The following DNMT3B variants were observed in gnomAD, a reference collection of about 807,000 sequenced individuals.
The protein encoded by DNMT3B is DNA methyltransferase 3 beta.
In DNMT3B, 37 loss-of-function variants were observed where a neutral mutation model predicts 120.2. The ratio of observed to expected loss-of-function variants is 0.31; its 90% CI spans 0.24 to 0.40. DNMT3B has a LOEUF of 0.40. Ranked by LOEUF, DNMT3B falls within the 10% of genes least tolerant of loss-of-function variation. DNMT3B has a pLI of 1.00. For synonymous variants in DNMT3B, 412 were observed against 442.8 expected, an observed-to-expected ratio of 0.93 and a Z score of 0.87; for missense variants, 878 against 1,137.3, an observed-to-expected ratio of 0.77 and a Z score of 3.28.
At chr20:32,765,042 C>T (rs1229140009) in intron 1 of DNMT3B, among the ~76,000 whole-genome samples, 1 of 152,214 alleles carries the variant, frequency 6.6e-6, no homozygotes, top group Non-Finnish European at 1.5e-5. Flanking sequence ...AGCTCTTATG[C>T]CGGCTGCCTC....
At chr20:32,776,144 G>A (rs1027653651) in intron 1 of DNMT3B, among the ~76,000 whole-genome samples, 18 of 152,072 alleles carry the variant, frequency 1.2e-4, no homozygotes, top group African/African-American at 3.9e-4. Flanking sequence ...CAGGAGAATC[G>A]CTTGAACCCG....
At chr20:32,789,794 A>C (rs532086844) in intron 7 of DNMT3B, among the ~76,000 whole-genome samples, 85 of 152,274 alleles carry the variant, frequency 5.6e-4, no homozygotes, top group African/African-American at 1.9e-3. Flanking sequence ...GGGTTTCACC[A>C]TGTTGGCCAG....
chr20:32,766,359 C>T (rs1987368280), intron 1 of DNMT3B, among the ~76,000 whole-genome samples: 3 of 151,756 alleles, frequency 2.0e-5, no homozygotes, highest in Non-Finnish European at 2.9e-5. Flanking sequence ...TATATATCTA[C>T]GTAGATATAG....
intron 7 of DNMT3B, among the ~76,000 whole-genome samples, chr20:32,789,467 G>T (rs1357657239): frequency 6.6e-6 from 1 of 152,184 alleles, no homozygotes; most frequent in Non-Finnish European, 1.5e-5. Context: ...GTAGAATTGG[G>T]TATTTCAGAG....
intron 17 of DNMT3B, 48 bp from the exon 18 acceptor site, chr20:32,800,787 C>G (rs1212854073): frequency 6.3e-7 from 1 of 1,599,376 alleles, no homozygotes; most frequent in Non-Finnish European, 8.6e-7. Flanking sequence ...GTCCAGCTCT[C>G]TTTCCCTCTG....
At chr20:32,765,067 ACG>A (rs1272865880) in intron 1 of DNMT3B, among the ~76,000 whole-genome samples, 1 of 151,896 alleles carries the variant, frequency 6.6e-6, no homozygotes, top group African/African-American at 2.4e-5. Context: ...CCAGGCTCAG[ACG>A]CCTTTTCCAG....
At chr20:32,794,273 A>G (rs1980342336) in intron 10 of DNMT3B, among the ~76,000 whole-genome samples, 1 of 143,924 alleles carries the variant, frequency 6.9e-6, no homozygotes, top group Non-Finnish European at 1.5e-5. Context: ...GAGCCCAGGA[A>G]GTCAGGCTGC....
chr20:32,767,665 C>T (rs1054553258), intron 1 of DNMT3B, among the ~76,000 whole-genome samples: 3 of 152,124 alleles, frequency 2.0e-5, no homozygotes, highest in Admixed American at 1.3e-4. Context: ...TCAAACTCCT[C>T]GGCTCAAGCA....
intron 1 of DNMT3B, among the ~76,000 whole-genome samples, chr20:32,764,827 G>A (rs916873228): frequency 8.5e-5 from 13 of 152,232 alleles, no homozygotes; most frequent in African/African-American, 2.4e-4. Flanking sequence ...GGGGAAGACG[G>A]TAGCTGGGAG....
Position 32,796,775 on chromosome 20 carries a change from C to G in DNMT3B, c.1298-15C>G. 1 of 1,614,224 alleles carries G rather than the reference C, an allele frequency of 6.2e-7. No homozygotes were observed. Among genetic ancestry groups the G allele is most frequent in the Non-Finnish European group, 8.5e-7 (1 of 1,180,032 alleles). On this transcript the variant is annotated splice_polypyrimidine_tract_variant and intron_variant, in intron 12 of 22. Transcript: ENST00000328111. The stretch of plus-strand genomic sequence containing the variant: ...GCCTCAACTGCCAAAAGCCACAACC[C>G]TGTTTTTCTTACAGATGGCTGTTTG...
intron 1 of DNMT3B, among the ~76,000 whole-genome samples, chr20:32,778,378 A>C (rs1440560436): frequency 1.3e-5 from 2 of 150,204 alleles, no homozygotes; most frequent in Non-Finnish European, 3.0e-5. Flanking sequence ...AAAAAAAAAA[A>C]TGAAAACCCT....
chr20:32,798,811 G>C (rs1326956610), intron 15 of DNMT3B, among the ~76,000 whole-genome samples, 168 bp downstream of exon 15: 1 of 152,234 alleles, frequency 6.6e-6, no homozygotes. Flanking sequence ...ACGGTTTTCA[G>C]CCGTGCCAGG....
At chr20:32,787,576 T>C in intron 6 of DNMT3B, 125 bp downstream of exon 6, 2 of 1,101,854 alleles carry the variant, frequency 1.8e-6, no homozygotes, top group Non-Finnish European at 2.7e-6. Context: ...TTGTAATAAT[T>C]GACATGTTTG....
intron 6 of DNMT3B, 50 bp downstream of exon 6, chr20:32,787,501 G>T: frequency 6.3e-7 from 1 of 1,581,586 alleles, no homozygotes; most frequent in East Asian, 2.3e-5. Flanking sequence ...CCCTGAACAC[G>T]GGGAAAAACC....
intron 14 of DNMT3B, among the ~76,000 whole-genome samples, chr20:32,798,212 T>C (rs1980875616): frequency 2.6e-5 from 4 of 152,102 alleles, no homozygotes; most frequent in Admixed American, 2.6e-4. Flanking sequence ...AAAGTGTCCA[T>C]GGAATGAAGT....
At position 32,798,589 on chromosome 20, in the gene DNMT3B, G is replaced by A. The variant is rs368295290; in HGVS notation, c.1620G>A (p.Lys540=). Residue 540 remains lysine (K), a synonymous_variant, in exon 15 of 23, where the codon AAG becomes AAA. Coordinates refer to ENST00000328111, the MANE Select transcript of DNMT3B (RefSeq NM_006892.4). ...QRCHGVLRRR[K]DWNVRLQAFF... The stretch of plus-strand genomic sequence containing the variant: ...GTCATGGCGTCCTGCGGCGCCGGAA[G>A]GACTGGAACGTGCGCCTGCAGGCCT... The A allele has an allele frequency of 4.4e-5, 71 of 1,614,236 alleles. 1 individual carries two copies. In the African/African-American group the frequency reaches 7.5e-4, roughly 17 times the overall value.
intron 15 of DNMT3B, 134 bp from the exon 16 acceptor site, chr20:32,799,110 A>G (rs2146034760): frequency 1.1e-6 from 1 of 931,034 alleles, no homozygotes; most frequent in East Asian, 2.6e-5. Context: ...ATCCCCATCA[A>G]GCCTTCAGTG....
At chr20:32,771,617 CAG>C (rs1987749129) in intron 1 of DNMT3B, among the ~76,000 whole-genome samples, 2 of 116,718 alleles carry the variant, frequency 1.7e-5, no homozygotes, top group South Asian at 5.3e-4. Flanking sequence ...GCCTGGGCAA[CAG>C]AGCAAGACCG....
chr20:32,762,725 G>T (rs1012750633), intron 1 of DNMT3B, 26 bp downstream of exon 1: 2 of 162,924 alleles, frequency 1.2e-5, no homozygotes, highest in Non-Finnish European at 2.6e-5. Flanking sequence ...CCCCGGGGAG[G>T]CTCGGCCGCC....
Sources: allele counts gnomAD v4.1 joint callset (sites outside exome capture counted in the v4.1 genomes callset), GRCh38; gene constraint gnomAD v4.1.1; transcripts MANE v1.5; gene names NCBI Gene and HGNC (gene_info 2026-07-23, HGNC 2026-07-21).